Variants in IBTK observed in about 807,000 individuals in gnomAD.
IBTK encodes inhibitor of Bruton tyrosine kinase.
Under a neutral mutation model 154.9 loss-of-function variants are expected in IBTK, and 83 were observed. The observed-to-expected ratio is 0.54, with a 90% CI of 0.45 to 0.64. The LOEUF (loss-of-function observed/expected upper bound fraction) is 0.64. Ranked by LOEUF, IBTK falls within the 30% of genes least tolerant of loss-of-function variation. The pLI, the probability that IBTK is intolerant of heterozygous loss-of-function variation, is 0.00. For missense variants in IBTK, 1,332 were observed against 1,584.6 expected (o/e 0.84, Z 2.71); for synonymous variants, 515 against 536.1 (o/e 0.96, Z 0.54).
intron 21 of IBTK, among the ~76,000 whole-genome samples, chr6:82,197,613 C>T (rs572894543): frequency 9.2e-5 from 14 of 152,174 alleles, no homozygotes; most frequent in Admixed American, 7.9e-4. Flanking sequence ...TTTTGTGGTC[C>T]GCCCGCCTTG....
Position 82,240,494 on chromosome 6 carries a change from GT to G in IBTK, c.-9del, listed in dbSNP as rs754753342. ...AGGCATGGGTGAACTCATCCTAACT[GT>G]TTTTATACCACTTACTTCAGAATCG... On this transcript the variant is annotated 5_prime_UTR_variant, in exon 2 of 29. Coordinates refer to ENST00000306270, the MANE Select transcript of IBTK (RefSeq NM_015525.4). 1 of 1,602,634 alleles carries G rather than the reference GT, an allele frequency of 6.2e-7. No homozygotes were observed. Among genetic ancestry groups the G allele is most frequent in the South Asian group, 1.1e-5 (1 of 90,200 alleles).
intron 23 of IBTK, among the ~76,000 whole-genome samples, chr6:82,193,492 C>T (rs984580238): frequency 6.6e-6 from 1 of 151,542 alleles, no homozygotes; most frequent in Admixed American, 6.6e-5. Context: ...TAAAATGGAA[C>T]ATCATAATCT....
At chr6:82,188,778 C>T (rs186559100) in intron 25 of IBTK, among the ~76,000 whole-genome samples, 2 of 152,114 alleles carry the variant, frequency 1.3e-5, no homozygotes, top group African/African-American at 2.4e-5. Context: ...ACCTGTAATT[C>T]CAGTACTTTG....
In IBTK at chr6:82,225,563, C is replaced by G. The variant is rs1252246127; in HGVS notation, c.739G>C (p.Asp247His). Residue 247 changes from aspartate to histidine, a missense_variant, in exon 6 of 29, where the codon GAT becomes CAT. Physicochemically the swap from Asp to His is moderately conservative, Grantham distance 81 (BLOSUM62 -1). This residue lies in a region of IBTK where 114 missense variants were observed against 213.7 expected (regional missense o/e 0.53). Transcript: ENST00000306270. ...AKDHTVVLTEDGCVYTFGLNI... is the reference protein window; with the variant it reads ...AKDHTVVLTEHGCVYTFGLNI... ...AGACCAAATGTATAAACACATCCATCTTCAGTTAATACAACAGTATGATCC... is the reference window on the plus strand; with the variant it reads ...AGACCAAATGTATAAACACATCCATGTTCAGTTAATACAACAGTATGATCC... 8 of 1,612,878 alleles carry G rather than the reference C, an allele frequency of 5.0e-6. No individual in the cohort carries two copies. The highest frequency in any genetic ancestry group is 5.9e-6 in the Non-Finnish European group (7 of 1,179,032).
chr6:82,211,482 G>C lies in IBTK; in HGVS notation c.2374+8C>G. 1 of 1,610,712 alleles carries C rather than the reference G, an allele frequency of 6.2e-7. No homozygotes were observed. Among genetic ancestry groups the C allele is most frequent in the Non-Finnish European group, 8.5e-7 (1 of 1,177,114 alleles). The stretch of plus-strand genomic sequence containing the variant: ...AAATAAATCAGCAGCTTTAAAAAGT[G>C]CACCTACCAAGTCTAGCACAAAGAA... On this transcript the variant is annotated splice_region_variant and intron_variant, in intron 14 of 28. Coordinates refer to ENST00000306270, the MANE Select transcript of IBTK (RefSeq NM_015525.4).
At chr6:82,172,649 A>T in intron 27 of IBTK, 137 bp from the exon 28 acceptor site, 1 of 666,430 alleles carries the variant, frequency 1.5e-6, no homozygotes, top group Non-Finnish European at 2.4e-6. Context: ...TTTCACAGAG[A>T]TTACAGAATG....
At position 82,220,574 on chromosome 6, in the gene IBTK, A is replaced by G. The variant is rs778077069; in HGVS notation, c.1248+16T>C. Reference sequence around the variant, plus strand: ...ACTGAGAGTAAGATTACACTTTTACATAAACATGTACTTACCCTTCCAGCT... The same window carrying G: ...ACTGAGAGTAAGATTACACTTTTACGTAAACATGTACTTACCCTTCCAGCT... On this transcript the variant is annotated intron_variant, in intron 9 of 28. Coordinates refer to ENST00000306270, the MANE Select transcript of IBTK (RefSeq NM_015525.4). 1.3e-6 allele frequency: 2 copies of G among 1,586,572 alleles called. No individual in the cohort carries two copies. The highest frequency in any genetic ancestry group is 3.8e-5 in the Admixed American group (2 of 52,468).
chr6:82,213,441 T>A (rs1269156023), intron 12 of IBTK, among the ~76,000 whole-genome samples: 1 of 152,170 alleles, frequency 6.6e-6, no homozygotes, highest in East Asian at 1.9e-4. Context: ...AGAAAGAATT[T>A]CAAATAATCT....
chr6:82,233,971 C>T (rs1265172444), intron 3 of IBTK, among the ~76,000 whole-genome samples, 188 bp downstream of exon 3: 1 of 152,038 alleles, frequency 6.6e-6, no homozygotes, highest in African/African-American at 2.4e-5. Flanking sequence ...TCAAGTGATC[C>T]GCCTGCCTCG....
intron 1 of IBTK, among the ~76,000 whole-genome samples, chr6:82,243,203 T>C (rs983112482): frequency 1.4e-5 from 2 of 145,796 alleles, no homozygotes; most frequent in Non-Finnish European, 3.0e-5. Flanking sequence ...ATCGTGCCAC[T>C]GCACTCCAGC....
At chr6:82,209,883 TAA>T (rs988679473) in intron 16 of IBTK, among the ~76,000 whole-genome samples, 4 of 152,188 alleles carry the variant, frequency 2.6e-5, no homozygotes, top group African/African-American at 7.2e-5. Flanking sequence ...GCTAGCTTCT[TAA>T]AAATGCATCT....
chr6:82,230,218 G>T (rs1770455535), intron 4 of IBTK, among the ~76,000 whole-genome samples: 1 of 152,142 alleles, frequency 6.6e-6, no homozygotes, highest in Admixed American at 6.6e-5. Context: ...GAAAGAGCCA[G>T]TACTATAGTG....
At chr6:82,174,162 T>C (rs1411403391) in intron 26 of IBTK, among the ~76,000 whole-genome samples, 4 of 152,030 alleles carry the variant, frequency 2.6e-5, no homozygotes, top group African/African-American at 9.7e-5. Flanking sequence ...ACTAGACAGG[T>C]TTAACAACAC....
intron 12 of IBTK, among the ~76,000 whole-genome samples, chr6:82,213,571 G>A (rs1050423567): frequency 6.6e-6 from 1 of 152,088 alleles, no homozygotes; most frequent in Non-Finnish European, 1.5e-5. Flanking sequence ...AAGAAGGATC[G>A]CTTGAGCCCA....
Position 82,214,302 on chromosome 6 carries a change from T to C in IBTK, c.2129A>G (p.Asn710Ser), listed in dbSNP as rs199723758. The change falls in exon 12 of 29, where the codon AAT becomes AGT. Residue 710 changes from asparagine (N) to serine (S), a missense_variant. Transcript: ENST00000306270. ...SKPKSCKKGK[N>S]IREDDPVRML... is the part of the protein sequence containing the mutation. ...TCTTACAGGATCATCTTCCCTAATA[T>C]TTTTTCCTTTTTTACAAGATTTAGG... 4.0e-5 allele frequency: 65 copies of C among 1,613,794 alleles called. 1 individual carries two copies. The highest frequency in any genetic ancestry group is 3.3e-4 in the Middle Eastern group (2 of 6,060).
chr6:82,225,988 C>T (rs372662592), intron 5 of IBTK, among the ~76,000 whole-genome samples: 4 of 152,106 alleles, frequency 2.6e-5, no homozygotes, highest in East Asian at 1.9e-4. Flanking sequence ...AACAAAAATA[C>T]AGAATCAATG....
intron 1 of IBTK, among the ~76,000 whole-genome samples, chr6:82,246,593 G>A (rs1771157444): frequency 1.3e-5 from 2 of 151,936 alleles, no homozygotes; most frequent in Admixed American, 1.3e-4. Context: ...GTGAGCCACC[G>A]CGCCCGGCCT....
chr6:82,179,527 G>A (rs1261375080), intron 26 of IBTK, among the ~76,000 whole-genome samples: 1 of 152,214 alleles, frequency 6.6e-6, no homozygotes, highest in East Asian at 1.9e-4. Context: ...TAAATGGATA[G>A]TGTAGAAAGA....
intron 16 of IBTK, chr6:82,206,010 CAG>C (rs1769397033): frequency 6.6e-6 from 1 of 151,900 alleles, no homozygotes; most frequent in Admixed American, 6.6e-5. Context: ...TAAAAAAAAA[CAG>C]ACAACTGTGG....
Sources: allele counts gnomAD v4.1 joint callset (sites outside exome capture counted in the v4.1 genomes callset), GRCh38; gene constraint gnomAD v4.1.1; regional missense constraint gnomAD v4.1.1; transcripts MANE v1.5; gene names NCBI Gene and HGNC (gene_info 2026-07-23, HGNC 2026-07-21).